Variants in ERAP1 observed in about 807,000 individuals in gnomAD.
ERAP1 encodes the protein adipocyte-derived leucine aminopeptidase.
Under a neutral mutation model 103.7 loss-of-function variants are expected in ERAP1, and 86 were observed. The ratio of observed to expected loss-of-function variants is 0.83; its 90% CI spans 0.70 to 0.99. ERAP1 has a LOEUF of 0.99. ERAP1 is among the 50% of genes least tolerant of loss of function. ERAP1 has a pLI of 0.00. For synonymous variants in ERAP1, 398 were observed against 402.4 expected (o/e 0.99, Z 0.13); for missense variants, 1,009 against 1,128.4 (o/e 0.89, Z 1.52).
the ERAP1 span, among the ~76,000 whole-genome samples, chr5:96,911,768 G>T: frequency 1.3e-5 from 2 of 150,274 alleles, no homozygotes; most frequent in Non-Finnish European, 2.9e-5. Context: ...AGCTGCTCAG[G>T]AGGCTGAGGC....
the ERAP1 span, among the ~76,000 whole-genome samples, chr5:96,922,562 C>T: frequency 1.3e-5 from 2 of 152,174 alleles, no homozygotes; most frequent in Admixed American, 6.5e-5. Flanking sequence ...GGCTTTCTAG[C>T]TGGCTGGGGG....
chr5:96,767,281 G>T (rs1263542119), intron 19 of ERAP1, among the ~76,000 whole-genome samples: 1 of 152,172 alleles, frequency 6.6e-6, no homozygotes, highest in Non-Finnish European at 1.5e-5. Context: ...AGCAAAGCTG[G>T]TAAAGAAATA....
the ERAP1 span, chr5:96,915,778 C>T: frequency 6.3e-7 from 1 of 1,584,020 alleles, no homozygotes; most frequent in Non-Finnish European, 8.6e-7. Flanking sequence ...AGGTTTGTGA[C>T]TTTCTGTTTT....
At chr5:96,785,488 A>G in intron 13 of ERAP1, 2 of 400,010 alleles carry the variant, frequency 5.0e-6, no homozygotes, top group Non-Finnish European at 9.5e-6. Flanking sequence ...CCGCGGGGAC[A>G]AGGCAAGGAG....
the ERAP1 span, among the ~76,000 whole-genome samples, chr5:96,832,410 A>T: frequency 6.6e-6 from 1 of 152,208 alleles, no homozygotes; most frequent in East Asian, 1.9e-4. Flanking sequence ...TATGAACACC[A>T]AGTCGAATAT....
chr5:96,796,276 A>G (rs1777334643), intron 4 of ERAP1, among the ~76,000 whole-genome samples: 1 of 152,148 alleles, frequency 6.6e-6, no homozygotes, highest in African/African-American at 2.4e-5. Context: ...CCCTCAGAAA[A>G]ACCTGTTTGC....
chr5:96,768,434 G>GA, intron 19 of ERAP1: 1 of 453,502 alleles, frequency 2.2e-6, no homozygotes. Context: ...TAGAGAACCT[G>GA]AAAATGAAGA....
intron 17 of ERAP1, among the ~76,000 whole-genome samples, chr5:96,780,815 G>GA (rs1156877485): frequency 6.6e-6 from 1 of 152,226 alleles, no homozygotes; most frequent in Non-Finnish European, 1.5e-5. Context: ...GAAGGCTTCA[G>GA]ATATGTCCAT....
At chr5:96,834,126 T>C in the ERAP1 span, among the ~76,000 whole-genome samples, 2 of 152,216 alleles carry the variant, frequency 1.3e-5, no homozygotes, top group Non-Finnish European at 2.9e-5. Flanking sequence ...GATATTTAGT[T>C]CCTCAGTAAT....
rs1041656372 is a variant in ERAP1 at position 96,775,038 on chromosome 5, T to G, written c.*1358A>C. On this transcript the variant is annotated 3_prime_UTR_variant, in exon 19 of 19. Coordinates refer to ENST00000443439, the MANE Select transcript of ERAP1 (RefSeq NM_001040458.3). ...ACCTTAGAGTCAGCGCAAAACACGC[T>G]GCAACTTGAATCAAGTCAGCAACAG... 1.0e-6 allele frequency: 1 copy of G among 983,846 alleles called. No individual in the cohort carries two copies. Among genetic ancestry groups the G allele is most frequent in the Non-Finnish European group, 1.2e-6 (1 of 828,896 alleles). 60.9% of individuals were successfully genotyped at this position (983,846 alleles called of 1,614,324 possible). A position where few individuals can be genotyped will look rare whatever the true frequency, so the allele number is the denominator to read the frequency against.
At chr5:96,855,554 T>A in the ERAP1 span, among the ~76,000 whole-genome samples, 2 of 152,214 alleles carry the variant, frequency 1.3e-5, no homozygotes, top group African/African-American at 4.8e-5. Context: ...TAGAACTCTG[T>A]GATTTTACAG....
chr5:96,822,538 T>C, the ERAP1 span, among the ~76,000 whole-genome samples: 1 of 152,302 alleles, frequency 6.6e-6, no homozygotes. Flanking sequence ...TGGTTAATTT[T>C]ATGTGTCAAC....
the ERAP1 span, among the ~76,000 whole-genome samples, chr5:96,828,831 A>G: frequency 6.6e-6 from 1 of 151,962 alleles, no homozygotes; most frequent in Non-Finnish European, 1.5e-5. Flanking sequence ...ATTTAATAGT[A>G]TTTTTCTTCG....
At chr5:96,916,936 G>T in the ERAP1 span, among the ~76,000 whole-genome samples, 1 of 152,018 alleles carries the variant, frequency 6.6e-6, no homozygotes, top group Non-Finnish European at 1.5e-5. Flanking sequence ...GTGGTCACTT[G>T]TAAGATGAGG....
chr5:96,783,004 A>C, intron 15 of ERAP1, 47 bp downstream of exon 15: 1 of 1,589,488 alleles, frequency 6.3e-7, no homozygotes, highest in Non-Finnish European at 8.6e-7. Context: ...GGAAAACAGA[A>C]AAGATGCCCT....
exon 20 of ERAP1, chr5:96,762,538 G>C (rs111541812): frequency 5.8e-6 from 3 of 514,150 alleles, no homozygotes; most frequent in African/African-American, 3.9e-5. Context: ...AGATGGCAGA[G>C]ATTAACTTTG....
the ERAP1 span, chr5:96,913,317 G>T: frequency 1.2e-6 from 2 of 1,613,228 alleles, no homozygotes; most frequent in South Asian, 1.1e-5. Context: ...CTTTCTTCAG[G>T]TTAATTGAAC....
chr5:96,863,463 T>G, the ERAP1 span, among the ~76,000 whole-genome samples: 2 of 152,216 alleles, frequency 1.3e-5, no homozygotes, highest in Non-Finnish European at 2.9e-5. Flanking sequence ...ACCTTTCATT[T>G]GTGTCTCCTG....
the ERAP1 span, among the ~76,000 whole-genome samples, chr5:96,836,176 G>GTTTTTTTTTTTT: frequency 8.4e-5 from 9 of 106,674 alleles, no homozygotes; most frequent in Non-Finnish European, 1.5e-4. Flanking sequence ...CACCTCTTTG[G>GTTTTTTTTTTTT]TTTTTTTTTT....
Sources: gnomAD v4.1 joint callset for allele counts (sites outside exome capture counted in the v4.1 genomes callset) on GRCh38, gnomAD v4.1.1 for gene constraint, MANE v1.5 for transcripts, NCBI Gene and HGNC (gene_info 2026-07-23, HGNC 2026-07-21) for gene names.